The following INO80C variants were observed in gnomAD, a reference collection of about 807,000 sequenced individuals.
The protein encoded by INO80C is INO80 complex subunit C.
In INO80C, 17 loss-of-function variants were observed where a neutral mutation model predicts 17.7. That is an observed-to-expected ratio of 0.96 (90% CI 0.66 to 1.44). The LOEUF (loss-of-function observed/expected upper bound fraction) is 1.44, where lower values mean the gene tolerates loss of function less well. INO80C is among the 40% of genes most tolerant of loss of function. The probability of loss-of-function intolerance (pLI) is 0.00; values close to 1 mark genes in which losing one functional copy is unlikely to be tolerated. For missense variants in INO80C, 244 were observed against 245.0 expected (o/e 1.00, Z 0.03); for synonymous variants, 96 against 95.8 (o/e 1.00, Z -0.01).
chr18:35,488,518 TG>T (rs2045900428), intron 1 of INO80C, among the ~76,000 whole-genome samples: 1 of 152,166 alleles, frequency 6.6e-6, no homozygotes, highest in African/African-American at 2.4e-5. Context: ...CTGGAGTGGC[TG>T]GAACACAGGG....
intron 2 of INO80C, among the ~76,000 whole-genome samples, chr18:35,479,807 G>A (rs1304583004): frequency 6.6e-6 from 1 of 151,654 alleles, no homozygotes; most frequent in Non-Finnish European, 1.5e-5. Flanking sequence ...CTCGGGGCAA[G>A]TCTCTGCCAT....
At chr18:35,487,587 TTCC>T (rs1567986436) in intron 1 of INO80C, 3 of 159,696 alleles carry the variant, frequency 1.9e-5, no homozygotes, top group Non-Finnish European at 2.8e-5. Context: ...TCCCACCGGG[TTCC>T]TCCCACAACA....
chr18:35,486,887 T>C (rs911762595), intron 1 of INO80C, among the ~76,000 whole-genome samples: 4 of 149,872 alleles, frequency 2.7e-5, no homozygotes, highest in African/African-American at 9.9e-5. Context: ...TTAATAAATC[T>C]AAAAGGAATG....
At chr18:35,488,402 C>T (rs973113613) in intron 1 of INO80C, among the ~76,000 whole-genome samples, 22 of 152,354 alleles carry the variant, frequency 1.4e-4, no homozygotes, top group Admixed American at 1.4e-3. Flanking sequence ...CAATTCTTGA[C>T]TTCTGTGCAC....
At chr18:35,486,943 A>T (rs2144072529) in intron 1 of INO80C, among the ~76,000 whole-genome samples, 2 of 152,318 alleles carry the variant, frequency 1.3e-5, no homozygotes, top group Middle Eastern at 3.4e-3. Flanking sequence ...CCACAATAAT[A>T]ACTATTTCAA....
At chr18:35,471,151 A>G (rs915448780) in intron 4 of INO80C, among the ~76,000 whole-genome samples, 1 of 152,260 alleles carries the variant, frequency 6.6e-6, no homozygotes, top group Non-Finnish European at 1.5e-5. Context: ...CTTTTTAATT[A>G]TGTAACTTTA....
intron 2 of INO80C, 66 bp from the exon 3 acceptor site, chr18:35,479,477 A>T: frequency 1.1e-6 from 1 of 929,406 alleles, no homozygotes; most frequent in Non-Finnish European, 1.7e-6. Flanking sequence ...GACATCTGAC[A>T]TTTATGCCTA....
At chr18:35,475,650 G>T (rs2045726574) in intron 4 of INO80C, among the ~76,000 whole-genome samples, 1 of 151,114 alleles carries the variant, frequency 6.6e-6, no homozygotes, top group African/African-American at 2.5e-5. Context: ...TCCAGCCTGG[G>T]CAACAGAGTA....
chr18:35,495,871 A>G (rs941621778), intron 1 of INO80C, among the ~76,000 whole-genome samples: 2 of 152,222 alleles, frequency 1.3e-5, no homozygotes, highest in African/African-American at 4.8e-5. Context: ...GCACTCCACA[A>G]AAGATCTGGA....
intron 1 of INO80C, among the ~76,000 whole-genome samples, chr18:35,492,898 C>G (rs1047969624): frequency 1.3e-5 from 2 of 152,146 alleles, no homozygotes; most frequent in African/African-American, 4.8e-5. Flanking sequence ...CTAAATTACC[C>G]TATATTGATT....
chr18:35,497,484 A>AAGTC, intron 1 of INO80C: 1 of 1,321,350 alleles, frequency 7.6e-7, no homozygotes. Flanking sequence ...TATTAATACT[A>AAGTC]AGTCAGTAAT....
At chr18:35,475,034 A>G (rs2144035442) in intron 4 of INO80C, among the ~76,000 whole-genome samples, 1 of 152,348 alleles carries the variant, frequency 6.6e-6, no homozygotes, top group East Asian at 1.9e-4. Flanking sequence ...ATAGCCAAGA[A>G]TTTTCCAAAA....
chr18:35,490,630 A>G (rs565897761), intron 1 of INO80C, among the ~76,000 whole-genome samples: 180 of 152,292 alleles, frequency 1.2e-3, no homozygotes, highest in African/African-American at 4.1e-3. Context: ...GCAGTCCCCA[A>G]AGCTTCCAAC....
intron 1 of INO80C, among the ~76,000 whole-genome samples, 175 bp from the exon 2 acceptor site, chr18:35,480,738 C>A (rs1360558746): frequency 2.6e-5 from 4 of 152,158 alleles, no homozygotes; most frequent in Admixed American, 2.6e-4. Context: ...GGGAGTAGCA[C>A]CTGCTGTGCA....
At chr18:35,471,761 C>T (rs1021091317) in intron 4 of INO80C, among the ~76,000 whole-genome samples, 2 of 147,626 alleles carry the variant, frequency 1.4e-5, no homozygotes, top group Non-Finnish European at 3.0e-5. Context: ...CCCCTCCCTG[C>T]ACCCCACAAC....
chr18:35,482,925 C>G (rs1053450240), intron 1 of INO80C, among the ~76,000 whole-genome samples: 4 of 152,334 alleles, frequency 2.6e-5, no homozygotes, highest in Admixed American at 2.6e-4. Context: ...TGATGATGCT[C>G]CGCTACTTAA....
chr18:35,478,287 G>T lies in INO80C; in HGVS notation c.442C>A (p.Leu148Met). The change falls in exon 4 of 5, where the codon CTG (leucine) becomes ATG (methionine). Residue 148 changes from leucine to methionine, a missense_variant. Coordinates refer to ENST00000334598, the MANE Select transcript of INO80C (RefSeq NM_194281.4). Reference protein sequence around the residue: ...PAKKYSDVSGLLANYTDPQSK... With the variant: ...PAKKYSDVSGMLANYTDPQSK... ...AGAGATATAATCATACTCACAAGCA[G>T]ACCTGAAACATCAGAATACTTCTTA... is the stretch of plus-strand genomic sequence containing the variant. 6.3e-7 allele frequency: 1 copy of T among 1,597,688 alleles called. No homozygotes were observed. Among genetic ancestry groups the T allele is most frequent in the South Asian group, 1.1e-5 (1 of 90,078 alleles).
chr18:35,489,910 C>T (rs534952179), intron 1 of INO80C, among the ~76,000 whole-genome samples: 1 of 152,236 alleles, frequency 6.6e-6, no homozygotes, highest in African/African-American at 2.4e-5. Flanking sequence ...CTTCATCTTT[C>T]CCCCATGCAC....
intron 1 of INO80C, among the ~76,000 whole-genome samples, chr18:35,488,558 A>G (rs921532219): frequency 6.6e-6 from 1 of 152,174 alleles, no homozygotes; most frequent in African/African-American, 2.4e-5. Flanking sequence ...CGCACAGCAG[A>G]GGGGTCCCTG....
Sources: gnomAD v4.1 joint callset for allele counts (sites outside exome capture counted in the v4.1 genomes callset) on GRCh38, gnomAD v4.1.1 for gene constraint, MANE v1.5 for transcripts, NCBI Gene and HGNC (gene_info 2026-07-23, HGNC 2026-07-21) for gene names.